The following THSD7A variants were observed in gnomAD, a reference collection of about 807,000 sequenced individuals.
THSD7A encodes thrombospondin type-1 domain-containing protein 7A.
THSD7A carries 96 observed loss-of-function variants against 231.3 expected under a neutral mutation model. The ratio of observed to expected loss-of-function variants is 0.41; its 90% CI spans 0.35 to 0.49. THSD7A has a LOEUF of 0.49. THSD7A is among the 20% of genes least tolerant of loss of function. THSD7A has a pLI of 0.05. For synonymous variants in THSD7A, 940 were observed against 743.3 expected (o/e 1.26, Z -4.30); for missense variants, 2,290 against 2,070.2 (o/e 1.11, Z -2.06).
chr7:11,548,755 A>G (rs1261896043), intron 4 of THSD7A, among the ~76,000 whole-genome samples: 1 of 152,082 alleles, frequency 6.6e-6, no homozygotes, highest in Non-Finnish European at 1.5e-5. Context: ...AACAAAAATC[A>G]CATGATTATC....
chr7:11,374,914 T>C lies in THSD7A; in HGVS notation c.*880A>G, dbSNP rs879401840. The C allele has an allele frequency of 1.3e-5, 2 of 152,094 alleles. No individual in the cohort carries two copies. Among genetic ancestry groups the C allele is most frequent in the Admixed American group, 1.3e-4 (2 of 15,242 alleles). The allele number at this position is 152,094 out of a possible 1,614,324, so 9.4% of individuals were successfully genotyped here. A position where few individuals can be genotyped will look rare whatever the true frequency, so the allele number is the denominator to read the frequency against. ...GTCTTCATGCCACTCTTGGCACAGA[T>C]GTCTTCATCCCACATGAAAAGAGGC... On this transcript the variant is annotated 3_prime_UTR_variant, in exon 28 of 28. Transcript: ENST00000423059.
intron 1 of THSD7A, among the ~76,000 whole-genome samples, chr7:11,728,085 C>G (rs1396093824): frequency 6.6e-6 from 1 of 151,954 alleles, no homozygotes; most frequent in Non-Finnish European, 1.5e-5. Flanking sequence ...TTGTAAAATG[C>G]AAGCTCTCAA....
At chr7:11,680,856 T>C (rs142089325) in intron 1 of THSD7A, among the ~76,000 whole-genome samples, 2 of 152,154 alleles carry the variant, frequency 1.3e-5, no homozygotes, top group East Asian at 3.9e-4. Flanking sequence ...ACCGAGTGTA[T>C]ACCTAAAGAA....
At chr7:11,801,154 G>C (rs1423338156) in intron 1 of THSD7A, among the ~76,000 whole-genome samples, 2 of 151,920 alleles carry the variant, frequency 1.3e-5, no homozygotes, top group Admixed American at 1.3e-4. Flanking sequence ...TTTTTTTAAT[G>C]AAAACAAGAT....
chr7:11,742,439 T>C (rs977848049), intron 1 of THSD7A, among the ~76,000 whole-genome samples: 2 of 152,028 alleles, frequency 1.3e-5, no homozygotes, highest in African/African-American at 4.8e-5. Flanking sequence ...AAGTGATTTT[T>C]TGTTGTTTTA....
intron 6 of THSD7A, among the ~76,000 whole-genome samples, chr7:11,518,432 A>C (rs1788124024): frequency 6.6e-6 from 1 of 152,156 alleles, no homozygotes; most frequent in African/African-American, 2.4e-5. Context: ...TAGAAAAGCA[A>C]AACTGGGGCA....
intron 5 of THSD7A, 46 bp downstream of exon 5, chr7:11,542,916 A>C: frequency 2.6e-6 from 4 of 1,560,230 alleles, no homozygotes; most frequent in Non-Finnish European, 3.5e-6. Flanking sequence ...TCATGATTTG[A>C]TACAATTGGT....
At position 11,375,868 on chromosome 7, in the gene THSD7A, T is replaced by C. The variant is rs992483646; in HGVS notation, c.4900A>G (p.Lys1634Glu). 2 of 1,612,674 alleles carry C rather than the reference T, an allele frequency of 1.2e-6. No homozygotes were observed. Among genetic ancestry groups the C allele is most frequent in the Non-Finnish European group, 1.7e-6 (2 of 1,179,014 alleles). The change falls in exon 28 of 28, where the codon AAG becomes GAG. Residue 1634 changes from lysine (K) to glutamate (E), a missense_variant. Coordinates refer to ENST00000423059, the MANE Select transcript of THSD7A (RefSeq NM_015204.3). The stretch of plus-strand genomic sequence containing the variant: ...TTGTTTTGCCTTCTTTGGGGTTTCT[T>C]TGGCTTTTTGCTGTAAAAAAATTCG... Reference protein sequence around the residue: ...SMIYLACKKPKKPQRRQNNRL... With the variant: ...SMIYLACKKPEKPQRRQNNRL...
At chr7:11,713,728 T>C (rs1403041006) in intron 1 of THSD7A, among the ~76,000 whole-genome samples, 4 of 151,150 alleles carry the variant, frequency 2.6e-5, no homozygotes, top group African/African-American at 9.7e-5. Context: ...TGTGTCTCAG[T>C]CTTCTGGCAA....
chr7:11,794,516 T>C (rs983146145), intron 1 of THSD7A, among the ~76,000 whole-genome samples: 2 of 151,974 alleles, frequency 1.3e-5, no homozygotes, highest in African/African-American at 4.8e-5. Context: ...CCTGCCTCTT[T>C]TGTATCAGGC....
intron 4 of THSD7A, among the ~76,000 whole-genome samples, chr7:11,557,998 T>C (rs1379996240): frequency 6.6e-6 from 1 of 152,124 alleles, no homozygotes; most frequent in Non-Finnish European, 1.5e-5. Context: ...TTGTCTAAAA[T>C]TTTGTGTCTT....
At chr7:11,769,142 TA>T (rs1562541281) in intron 1 of THSD7A, among the ~76,000 whole-genome samples, 7 of 64,934 alleles carry the variant, frequency 1.1e-4, no homozygotes, top group South Asian at 6.4e-4. Flanking sequence ...TATATATATA[TA>T]TATATATATA....
intron 19 of THSD7A, among the ~76,000 whole-genome samples, chr7:11,409,112 TA>T (rs1783689140): frequency 6.6e-6 from 1 of 152,160 alleles, no homozygotes; most frequent in Non-Finnish European, 1.5e-5. Flanking sequence ...GTAAATAAAT[TA>T]AAAAGAAATC....
intron 1 of THSD7A, among the ~76,000 whole-genome samples, chr7:11,674,002 A>T (rs1299477178): frequency 6.6e-6 from 1 of 151,930 alleles, no homozygotes; most frequent in African/African-American, 2.4e-5. Context: ...GAGCCACTGA[A>T]TCACCAGACC....
chr7:11,445,901 G>A (rs1394353870), intron 13 of THSD7A, among the ~76,000 whole-genome samples, 160 bp downstream of exon 13: 1 of 151,992 alleles, frequency 6.6e-6, no homozygotes, highest in Non-Finnish European at 1.5e-5. Flanking sequence ...GCCATTGAAT[G>A]TCCTGTTACA....
At chr7:11,777,161 G>C (rs1014346752) in intron 1 of THSD7A, among the ~76,000 whole-genome samples, 1 of 152,070 alleles carries the variant, frequency 6.6e-6, no homozygotes. Context: ...TTTCTAAAAA[G>C]CCCATTTCCT....
chr7:11,463,336 G>C (rs1318209132), intron 9 of THSD7A, among the ~76,000 whole-genome samples: 4 of 152,106 alleles, frequency 2.6e-5, no homozygotes, highest in Admixed American at 2.6e-4. Flanking sequence ...TGGGAGAATG[G>C]ATCAGTAAAT....
chr7:11,733,215 A>T (rs1431238548), intron 1 of THSD7A, among the ~76,000 whole-genome samples: 2 of 151,864 alleles, frequency 1.3e-5, no homozygotes, highest in Admixed American at 1.3e-4. Context: ...GACAGGAATG[A>T]GTCTTACATA....
intron 23 of THSD7A, among the ~76,000 whole-genome samples, chr7:11,387,913 C>T (rs1782823608): frequency 6.6e-6 from 1 of 152,098 alleles, no homozygotes; most frequent in Non-Finnish European, 1.5e-5. Context: ...GAATTTTTAG[C>T]ATGAATGGGT....
Sources: allele counts gnomAD v4.1 joint callset (sites outside exome capture counted in the v4.1 genomes callset), GRCh38; gene constraint gnomAD v4.1.1; transcripts MANE v1.5; gene names NCBI Gene and HGNC (gene_info 2026-07-23, HGNC 2026-07-21).